RAD51B: variants seen among roughly 807,000 people sequenced by gnomAD.
The protein encoded by RAD51B is DNA repair protein RAD51 homolog 2.
Under a neutral mutation model 42.2 loss-of-function variants are expected in RAD51B, and 38 were observed. The ratio of observed to expected loss-of-function variants is 0.90; its 90% CI spans 0.70 to 1.18. The LOEUF is 1.18. RAD51B is among the 50% of genes most tolerant of loss of function. The probability of loss-of-function intolerance (pLI) is 0.00; values close to 1 mark genes in which losing one functional copy is unlikely to be tolerated. For missense variants in RAD51B, 373 were observed against 400.7 expected, an observed-to-expected ratio of 0.93 and a Z score of 0.59; for synonymous variants, 154 against 145.2, an observed-to-expected ratio of 1.06 and a Z score of -0.43.
intron 7 of RAD51B, among the ~76,000 whole-genome samples, chr14:68,268,662 A>T (rs989518097): frequency 1.3e-5 from 2 of 152,232 alleles, no homozygotes; most frequent in African/African-American, 4.8e-5. Flanking sequence ...ATATGTGAAG[A>T]TAGCTGTGTA....
chr14:68,441,969 T>G (rs1232147649), intron 9 of RAD51B, among the ~76,000 whole-genome samples: 2 of 152,198 alleles, frequency 1.3e-5, no homozygotes, highest in Non-Finnish European at 2.9e-5. Context: ...TCTTGACAGG[T>G]GGTCAGAGGA....
At chr14:68,397,418 G>A (rs560228849) in intron 8 of RAD51B, among the ~76,000 whole-genome samples, 1 of 152,346 alleles carries the variant, frequency 6.6e-6, no homozygotes, top group South Asian at 2.1e-4. Context: ...CCGCCATGAG[G>A]CGGCTGCCTG....
At chr14:68,504,052 G>C (rs532351945) in intron 10 of RAD51B, among the ~76,000 whole-genome samples, 1 of 152,070 alleles carries the variant, frequency 6.6e-6, no homozygotes, top group Non-Finnish European at 1.5e-5. Flanking sequence ...TCATCCCTAC[G>C]GCCCCTTCTG....
intron 8 of RAD51B, among the ~76,000 whole-genome samples, chr14:68,320,027 A>C (rs2082129084): frequency 6.6e-6 from 1 of 152,204 alleles, no homozygotes; most frequent in Non-Finnish European, 1.5e-5. Context: ...TAAGCATTCA[A>C]ATCAATCTGA....
At chr14:68,156,160 A>G (rs1259217874) in intron 7 of RAD51B, among the ~76,000 whole-genome samples, 6 of 152,060 alleles carry the variant, frequency 3.9e-5, no homozygotes, top group Admixed American at 3.3e-4. Context: ...GAGAGAGAAT[A>G]CTAGTTTTGT....
chr14:68,126,852 C>T (rs1476424523), intron 7 of RAD51B, among the ~76,000 whole-genome samples: 4 of 152,116 alleles, frequency 2.6e-5, no homozygotes, highest in East Asian at 1.9e-4. Context: ...TGGGTGGATT[C>T]GTTCTACGGA....
At chr14:68,499,354 T>C (rs1158646472) in intron 10 of RAD51B, among the ~76,000 whole-genome samples, 1 of 152,182 alleles carries the variant, frequency 6.6e-6, no homozygotes, top group East Asian at 1.9e-4. Context: ...TTGAAGGTGG[T>C]GGATCATGAC....
intron 10 of RAD51B, among the ~76,000 whole-genome samples, chr14:68,649,682 G>A (rs1334719310): frequency 1.3e-5 from 2 of 152,174 alleles, no homozygotes; most frequent in Non-Finnish European, 2.9e-5. Flanking sequence ...GCCCACCCTT[G>A]GTCCAGTCAT....
At chr14:68,651,773 A>T (rs1892704031) in intron 11 of RAD51B, among the ~76,000 whole-genome samples, 1 of 152,196 alleles carries the variant, frequency 6.6e-6, no homozygotes, top group African/African-American at 2.4e-5. Context: ...ATCCAGCTGG[A>T]GAGAGGCCTC....
At chr14:68,650,528 C>T (rs150886610) in intron 10 of RAD51B, among the ~76,000 whole-genome samples, 1 of 152,264 alleles carries the variant, frequency 6.6e-6, no homozygotes, top group African/African-American at 2.4e-5. Context: ...GATCTATCTA[C>T]CCCAAACAAA....
chr14:68,139,002 T>C (rs1018716524), intron 7 of RAD51B, among the ~76,000 whole-genome samples: 2 of 152,046 alleles, frequency 1.3e-5, no homozygotes, highest in African/African-American at 4.8e-5. Flanking sequence ...CCTCTACCAC[T>C]TTTAAAAAAA....
At chr14:68,150,378 C>T (rs1168880880) in intron 7 of RAD51B, among the ~76,000 whole-genome samples, 2 of 152,184 alleles carry the variant, frequency 1.3e-5, no homozygotes, top group Non-Finnish European at 2.9e-5. Context: ...ATTGAGATTG[C>T]ACCAAATTTA....
At chr14:68,040,224 C>T (rs2140393409) in intron 7 of RAD51B, among the ~76,000 whole-genome samples, 1 of 152,312 alleles carries the variant, frequency 6.6e-6, no homozygotes, top group East Asian at 1.9e-4. Flanking sequence ...CACACACCTG[C>T]TCCTTATAGT....
intron 7 of RAD51B, among the ~76,000 whole-genome samples, chr14:68,035,220 A>T (rs1206225353): frequency 6.6e-6 from 1 of 152,194 alleles, no homozygotes; most frequent in Non-Finnish European, 1.5e-5. Context: ...CTTTTTAAAA[A>T]TAACTTAAGA....
At chr14:67,935,594 T>C (rs2044911127) in intron 7 of RAD51B, among the ~76,000 whole-genome samples, 1 of 152,174 alleles carries the variant, frequency 6.6e-6, no homozygotes. Context: ...TATAAATCCC[T>C]GGCCTCAAGG....
At chr14:67,918,739 C>T (rs570486730) in intron 7 of RAD51B, among the ~76,000 whole-genome samples, 5 of 152,236 alleles carry the variant, frequency 3.3e-5, no homozygotes, top group Admixed American at 2.6e-4. Context: ...AAAACTAACA[C>T]TGGAAGCTAG....
chr14:68,345,012 A>G (rs1027707887), intron 8 of RAD51B, among the ~76,000 whole-genome samples: 3 of 151,990 alleles, frequency 2.0e-5, no homozygotes, highest in South Asian at 2.1e-4. Flanking sequence ...CTGCATGGGA[A>G]CTGTAGCCCC....
chr14:68,524,854 C>G (rs2140337227), intron 10 of RAD51B, among the ~76,000 whole-genome samples: 1 of 152,320 alleles, frequency 6.6e-6, no homozygotes, highest in South Asian at 2.1e-4. Flanking sequence ...CAGCATGTGG[C>G]AGAGACCACC....
intron 7 of RAD51B, among the ~76,000 whole-genome samples, chr14:68,246,196 C>T (rs1191734588): frequency 6.6e-6 from 1 of 151,996 alleles, no homozygotes; most frequent in Non-Finnish European, 1.5e-5. Flanking sequence ...AAGAATTCAG[C>T]ACCATTCCAT....
Sources: allele counts gnomAD v4.1 joint callset (sites outside exome capture counted in the v4.1 genomes callset), GRCh38; gene constraint gnomAD v4.1.1; transcripts MANE v1.5; gene names NCBI Gene and HGNC (gene_info 2026-07-23, HGNC 2026-07-21).